MAML3: variants seen among roughly 807,000 people sequenced by gnomAD.
MAML3 encodes the protein mastermind-like protein 3.
A neutral mutation model predicts 101.9 loss-of-function variants in MAML3; 27 were observed. The ratio of observed to expected loss-of-function variants is 0.27; its 90% confidence interval spans 0.20 to 0.37. The LOEUF (loss-of-function observed/expected upper bound fraction) is 0.37. Ranked by LOEUF, MAML3 falls within the 10% of genes least tolerant of loss-of-function variation. The probability of loss-of-function intolerance (pLI) is 1.00; values close to 1 mark genes in which losing one functional copy is unlikely to be tolerated. For synonymous variants in MAML3, 501 were observed against 555.9 expected (o/e 0.90, Z 1.39); for missense variants, 1,316 against 1,444.9 (o/e 0.91, Z 1.45).
intron 1 of MAML3, among the ~76,000 whole-genome samples, chr4:140,069,384 A>AAGAAGG (rs1727594517): frequency 1.7e-5 from 1 of 60,420 alleles, no homozygotes; most frequent in Non-Finnish European, 3.5e-5. Context: ...GAAGAAGAAG[A>AAGAAGG]AGGAGGAGGA....
chr4:139,830,963 A>G (rs1178845833), intron 2 of MAML3, among the ~76,000 whole-genome samples: 2 of 152,192 alleles, frequency 1.3e-5, no homozygotes, highest in Admixed American at 1.3e-4. Context: ...CAAACAAAAA[A>G]AGCAATATTG....
intron 1 of MAML3, among the ~76,000 whole-genome samples, chr4:140,037,738 A>C (rs1167383692): frequency 1.3e-5 from 2 of 152,254 alleles, no homozygotes; most frequent in Non-Finnish European, 2.9e-5. Flanking sequence ...ACTGAGTTAC[A>C]TATGACCCTA....
chr4:140,074,320 C>T (rs1727731450), intron 1 of MAML3, among the ~76,000 whole-genome samples: 1 of 152,178 alleles, frequency 6.6e-6, no homozygotes, highest in Non-Finnish European at 1.5e-5. Context: ...TCCCCAGCTT[C>T]TTCCTTCCTT....
At chr4:140,076,457 T>C (rs1727767655) in intron 1 of MAML3, among the ~76,000 whole-genome samples, 1 of 151,988 alleles carries the variant, frequency 6.6e-6, no homozygotes, top group Non-Finnish European at 1.5e-5. Context: ...AAATGAGACT[T>C]TTGTGGTTGA....
At chr4:139,896,607 G>GGTGTGTGTGT (rs113274639) in intron 1 of MAML3, among the ~76,000 whole-genome samples, 10,960 of 144,626 alleles carry the variant, frequency 0.076, 556 homozygotes, top group African/African-American at 0.14. Context: ...CTGTGAAACT[G>GGTGTGTGTGT]GTGTGTGTGT....
Position 140,153,271 on chromosome 4 carries a change from G to C in MAML3, c.57C>G (p.Asn19Lys). ...CGCCGAGGCTGCTGTTCAGGCTACT[G>C]TTGATGCAAATACTACTGCCATTCG... Reference protein sequence around the residue: ...AAANGSSICINSSLNSSLGGA... With the variant: ...AAANGSSICIKSSLNSSLGGA... The change falls in exon 1 of 5, where the codon AAC becomes AAG. Residue 19 changes from asparagine to lysine, a missense_variant. Physicochemically the swap from Asn to Lys is moderately conservative, Grantham distance 94 (BLOSUM62 0). Coordinates refer to ENST00000509479, the MANE Select transcript of MAML3 (RefSeq NM_018717.5). The C allele has an allele frequency of 6.2e-7, 1 of 1,609,672 alleles. No homozygotes were observed. Among genetic ancestry groups the C allele is most frequent in the Non-Finnish European group, 8.5e-7 (1 of 1,178,312 alleles).
chr4:139,743,385 C>T (rs1386724890), intron 2 of MAML3, among the ~76,000 whole-genome samples: 4 of 152,230 alleles, frequency 2.6e-5, no homozygotes, highest in Non-Finnish European at 5.9e-5. Context: ...CCCTTTGGAC[C>T]ATTTCTCTGA....
rs1578713867 is a variant in MAML3 at position 140,153,482 on chromosome 4, C to G, written c.-155G>C. On this transcript the variant is annotated 5_prime_UTR_variant, in exon 1 of 5. Coordinates refer to ENST00000509479, the MANE Select transcript of MAML3 (RefSeq NM_018717.5). ...GGCGATCCCGACGGGGCGAAAAAAA[C>G]GGGGGGGGAGATTTTGGGGTGGTTT... The G allele has an allele frequency of 3.4e-4, 245 of 713,808 alleles. No homozygotes were observed. The highest frequency in any genetic ancestry group is 3.0e-3 in the South Asian group (74 of 24,700). 44.2% of individuals were successfully genotyped at this position (713,808 alleles called of 1,614,324 possible).
At chr4:140,144,304 T>C (rs561078908) in intron 1 of MAML3, among the ~76,000 whole-genome samples, 129 of 152,156 alleles carry the variant, frequency 8.5e-4, no homozygotes, top group African/African-American at 3.0e-3. Context: ...CCCAACACTT[T>C]GGAAGGCCGA....
chr4:139,745,609 T>C (rs1403310111), intron 2 of MAML3, among the ~76,000 whole-genome samples: 1 of 152,218 alleles, frequency 6.6e-6, no homozygotes, highest in East Asian at 1.9e-4. Context: ...CTCCCACTCA[T>C]TTCTCTTCTC....
intron 2 of MAML3, among the ~76,000 whole-genome samples, chr4:139,766,883 T>A (rs910746591): frequency 6.6e-6 from 1 of 152,212 alleles, no homozygotes; most frequent in East Asian, 1.9e-4. Flanking sequence ...GGCCAGTGAA[T>A]GTCATGAGAC....
At chr4:139,950,902 C>T (rs923850417) in intron 1 of MAML3, among the ~76,000 whole-genome samples, 1 of 152,166 alleles carries the variant, frequency 6.6e-6, no homozygotes, top group Non-Finnish European at 1.5e-5. Context: ...AAGAGGCCAT[C>T]GGGTTACTAA....
chr4:139,721,349 A>T lies in MAML3; in HGVS notation c.2417-1026T>A, dbSNP rs536172731. On this transcript the variant is annotated intron_variant, in intron 4 of 4. Coordinates refer to ENST00000509479, the MANE Select transcript of MAML3 (RefSeq NM_018717.5). ...CGTTGCAAAGGTCTAGGAGGTACAC[A>T]AAAACGGATTTTTCTATGTCCCTGC... Among the ~76,000 whole-genome samples the T allele has an allele frequency of 2.0e-5, 3 of 152,332 alleles. No individual in the cohort carries two copies. The East Asian group carries it at 5.8e-4, about 29-fold the overall frequency.
chr4:140,000,793 C>T (rs1166375429), intron 1 of MAML3, among the ~76,000 whole-genome samples: 3 of 152,054 alleles, frequency 2.0e-5, no homozygotes, highest in East Asian at 1.9e-4. Flanking sequence ...TTTGGGAGGC[C>T]GAGGTGGGTG....
At position 139,996,024 on chromosome 4, in the gene MAML3, T is replaced by G. The variant is rs182419177; in HGVS notation, c.469-105057A>C. 7.9e-5 allele frequency among the ~76,000 whole-genome samples: 12 copies of G among 152,270 alleles called. No homozygotes were observed. The East Asian group carries it at 2.1e-3, about 27-fold the overall frequency. On this transcript the variant is annotated intron_variant, in intron 1 of 4. Coordinates refer to ENST00000509479, the MANE Select transcript of MAML3 (RefSeq NM_018717.5). ...TTAAGTTCAAAATATTATCTAACTTTTTCTTTTACTCATGGGTTATTCAGG... is the reference window on the plus strand; with the variant it reads ...TTAAGTTCAAAATATTATCTAACTTGTTCTTTTACTCATGGGTTATTCAGG...
chr4:139,960,742 G>A (rs1028560939), intron 1 of MAML3, among the ~76,000 whole-genome samples: 4 of 152,108 alleles, frequency 2.6e-5, no homozygotes, highest in Admixed American at 1.3e-4. Flanking sequence ...TCTGAAAATC[G>A]GCAGAAAGAG....
At chr4:139,850,534 A>T (rs1731529179) in intron 2 of MAML3, among the ~76,000 whole-genome samples, 1 of 149,348 alleles carries the variant, frequency 6.7e-6, no homozygotes, top group Non-Finnish European at 1.5e-5. Flanking sequence ...AACCTTATAT[A>T]TTCTTCTTTT....
At chr4:140,125,202 T>C (rs1429216444) in intron 1 of MAML3, among the ~76,000 whole-genome samples, 2 of 152,180 alleles carry the variant, frequency 1.3e-5, no homozygotes, top group African/African-American at 4.8e-5. Flanking sequence ...ATATACTGAA[T>C]AAAAGAACAT....
chr4:139,863,008 G>A (rs1471013306), intron 2 of MAML3, among the ~76,000 whole-genome samples: 2 of 151,948 alleles, frequency 1.3e-5, no homozygotes, highest in Non-Finnish European at 2.9e-5. Context: ...AAATTAGCTG[G>A]GCGTGGTGGC....
Sources: gnomAD v4.1 joint callset for allele counts (sites outside exome capture counted in the v4.1 genomes callset) on GRCh38, gnomAD v4.1.1 for gene constraint, MANE v1.5 for transcripts, NCBI Gene and HGNC (gene_info 2026-07-23, HGNC 2026-07-21) for gene names.